GALNT18: variants seen among roughly 807,000 people sequenced by gnomAD.
GALNT18 encodes GalNAc-transferase 18.
Under a neutral mutation model 69.5 loss-of-function variants are expected in GALNT18, and 44 were observed. The ratio of observed to expected loss-of-function variants is 0.63; its 90% CI spans 0.50 to 0.81. The LOEUF (loss-of-function observed/expected upper bound fraction) is 0.81. Among genes scored for constraint, GALNT18 ranks in the 40% least tolerant of loss-of-function variants. The pLI, the probability that GALNT18 is intolerant of heterozygous loss-of-function variation, is 0.00. For missense variants in GALNT18, 715 were observed against 810.0 expected (o/e 0.88, Z 1.42); for synonymous variants, 364 against 318.2 (o/e 1.14, Z -1.53).
Position 11,421,432 on chromosome 11 carries a change from G to A in GALNT18, c.595+11189C>T, listed in dbSNP as rs963209905. On this transcript the variant is annotated intron_variant, in intron 3 of 10. Coordinates refer to ENST00000227756, the MANE Select transcript of GALNT18 (RefSeq NM_198516.3). This position sits in a 1 kb window ranked among gnomAD's most constrained non-coding sequence, Gnocchi z 5.6. ...TGTAGGAAGCCAGGTGGATCGAACC[G>A]TGGAAGCAGAGCCCCAGTTTGGTGT... Among the ~76,000 whole-genome samples the A allele has an allele frequency of 1.2e-4, 18 of 152,168 alleles. No homozygotes were observed. Among genetic ancestry groups the A allele is most frequent in the African/African-American group, 4.3e-4 (18 of 41,442 alleles).
chr11:11,330,997 C>T (rs1009348229), intron 8 of GALNT18, among the ~76,000 whole-genome samples: 3 of 152,196 alleles, frequency 2.0e-5, no homozygotes, highest in African/African-American at 4.8e-5. Context: ...GCCACAGCAG[C>T]GTAACTCTCC....
intron 1 of GALNT18, among the ~76,000 whole-genome samples, chr11:11,561,519 G>T (rs904295423): frequency 1.3e-5 from 2 of 152,202 alleles, no homozygotes; most frequent in Non-Finnish European, 2.9e-5. Context: ...AAGGATTGTG[G>T]TAAGGATTGA....
Position 11,589,520 on chromosome 11 carries a change from G to A in GALNT18, c.235+31839C>T, listed in dbSNP as rs960488877. Among the ~76,000 whole-genome samples, 10 of 151,958 alleles carry A rather than the reference G, an allele frequency of 6.6e-5. No individual in the cohort carries two copies. The South Asian group carries it at 1.0e-3, about 16-fold the overall frequency. On this transcript the variant is annotated intron_variant, in intron 1 of 10. Coordinates refer to ENST00000227756, the MANE Select transcript of GALNT18 (RefSeq NM_198516.3). ...GCTCCCCTTTTGCTGTTCAGCAGTC[G>A]TGGGAAACTGTTAGCTCCATACTCA...
rs1053281039 is a variant in GALNT18 at position 11,453,871 on chromosome 11, C to T, written c.236-4935G>A. Among the ~76,000 whole-genome samples the T allele has an allele frequency of 2.6e-5, 4 of 152,192 alleles. 1 individual carries two copies. Among genetic ancestry groups the T allele is most frequent in the Admixed American group, 1.3e-4 (2 of 15,280 alleles). The stretch of plus-strand genomic sequence containing the variant: ...TTTATAAATTACCCAGTCTCACTTA[C>T]GTCTTTCTTAGCAGCATGAGAACAG... On this transcript the variant is annotated intron_variant, in intron 1 of 10. Transcript: ENST00000227756.
At position 11,599,954 on chromosome 11, in the gene GALNT18, G is replaced by T. The variant is rs576962629; in HGVS notation, c.235+21405C>A. Among the ~76,000 whole-genome samples the T allele has an allele frequency of 2.0e-5, 3 of 151,944 alleles. No homozygotes were observed. In the South Asian group the frequency reaches 6.2e-4, roughly 32 times the overall value. On this transcript the variant is annotated intron_variant, in intron 1 of 10. Transcript: ENST00000227756. ...TACTTCTTGAGTTATTTTCTTAGTGGTTGGTCTGAAGCTTACAATATACCT... is the reference window on the plus strand; with the variant it reads ...TACTTCTTGAGTTATTTTCTTAGTGTTTGGTCTGAAGCTTACAATATACCT...
At chr11:11,349,245 C>T (rs903841077) in intron 6 of GALNT18, among the ~76,000 whole-genome samples, 2 of 152,140 alleles carry the variant, frequency 1.3e-5, no homozygotes, top group Admixed American at 6.5e-5. Context: ...ACGGATGGTG[C>T]TCCTCGGAAC....
chr11:11,399,938 A>T (rs1201533638), intron 3 of GALNT18, among the ~76,000 whole-genome samples: 1 of 152,246 alleles, frequency 6.6e-6, no homozygotes, highest in Non-Finnish European at 1.5e-5. Flanking sequence ...TGTGGTGGTT[A>T]TATACACAGG....
chr11:11,488,328 G>C (rs1003486518), intron 1 of GALNT18, among the ~76,000 whole-genome samples: 4 of 151,950 alleles, frequency 2.6e-5, no homozygotes, highest in Non-Finnish European at 5.9e-5. Flanking sequence ...CTTGACTCGG[G>C]GTCCTCTTCG....
At chr11:11,349,065 T>C (rs1366822587) in intron 6 of GALNT18, among the ~76,000 whole-genome samples, 1 of 152,190 alleles carries the variant, frequency 6.6e-6, no homozygotes, top group Admixed American at 6.5e-5. Flanking sequence ...CACTGCACAT[T>C]GTTTAGTTTT....
At chr11:11,457,399 G>C (rs1855947621) in intron 1 of GALNT18, among the ~76,000 whole-genome samples, 1 of 152,224 alleles carries the variant, frequency 6.6e-6, no homozygotes, top group Non-Finnish European at 1.5e-5. Context: ...TGGTTTTTTG[G>C]AGGAACTGCA....
In GALNT18 at chr11:11,541,259, T is replaced by C. The variant is rs1266383209; in HGVS notation, c.235+80100A>G. On this transcript the variant is annotated intron_variant, in intron 1 of 10. Transcript: ENST00000227756. This position sits in a 1 kb window ranked among gnomAD's most constrained non-coding sequence, Gnocchi z 4.8. ...TAATCGCCTGTGTTTTTGTGAACAC[T>C]TTAGACCCAAAATCATCCAAACTCC... is the stretch of plus-strand genomic sequence containing the variant. Among the ~76,000 whole-genome samples the C allele has an allele frequency of 1.3e-5, 2 of 152,070 alleles. No homozygotes were observed. The highest frequency in any genetic ancestry group is 2.9e-5 in the Non-Finnish European group (2 of 68,022).
intron 1 of GALNT18, among the ~76,000 whole-genome samples, chr11:11,566,846 C>G (rs976939067): frequency 1.3e-5 from 2 of 152,210 alleles, no homozygotes; most frequent in Non-Finnish European, 2.9e-5. Flanking sequence ...CTGAAGTGAC[C>G]TAGCACCGGC....
intron 6 of GALNT18, among the ~76,000 whole-genome samples, chr11:11,354,415 CCAAA>C (rs1209808065): frequency 2.0e-5 from 3 of 152,246 alleles, no homozygotes; most frequent in East Asian, 3.9e-4. Context: ...GCCTCTGGGG[CCAAA>C]CAGTCTTGGT....
chr11:11,590,136 G>GGGAAACCA lies in GALNT18; in HGVS notation c.235+31215_235+31222dup, dbSNP rs1324557196. 6.6e-6 allele frequency among the ~76,000 whole-genome samples: 1 copy of GGGAAACCA among 152,198 alleles called. No individual in the cohort carries two copies. Among genetic ancestry groups the GGGAAACCA allele is most frequent in the African/African-American group, 2.4e-5 (1 of 41,438 alleles). ...ACTAAAACCACCTTCCTTTCTTCCA[G>GGGAAACCA]GGAAACCAGGTAGACTACATTTCCC... On this transcript the variant is annotated intron_variant, in intron 1 of 10. Coordinates refer to ENST00000227756, the MANE Select transcript of GALNT18 (RefSeq NM_198516.3). This position sits in a 1 kb window ranked among gnomAD's most constrained non-coding sequence, Gnocchi z 4.4.
intron 1 of GALNT18, among the ~76,000 whole-genome samples, chr11:11,484,650 G>T (rs547989272): frequency 8.6e-5 from 13 of 151,560 alleles, no homozygotes; most frequent in African/African-American, 3.1e-4. Flanking sequence ...GCCCCCAGGG[G>T]TCTCTCTGCT....
rs376270511 is a variant in GALNT18, at chr11:11,518,812, A to AG, written c.236-69877dup. Among the ~76,000 whole-genome samples the AG allele has an allele frequency of 2.3e-3, 350 of 152,356 alleles. 3 individuals are homozygous for AG. The highest frequency in any genetic ancestry group is 8.2e-3 in the African/African-American group (339 of 41,582). Reference sequence around the variant, plus strand: ...ATGGGGAGGGAGCACTGGACCCACCAGCTTCTCTAAGTACACAACAGAAAA... The same window carrying AG: ...ATGGGGAGGGAGCACTGGACCCACCAGGCTTCTCTAAGTACACAACAGAAAA... On this transcript the variant is annotated intron_variant, in intron 1 of 10. Transcript: ENST00000227756.
chr11:11,298,148 A>T (rs1306404873), intron 9 of GALNT18, among the ~76,000 whole-genome samples: 1 of 152,188 alleles, frequency 6.6e-6, no homozygotes, highest in African/African-American at 2.4e-5. Context: ...ATCCTGCAGG[A>T]TACCCTGGTC....
intron 1 of GALNT18, among the ~76,000 whole-genome samples, chr11:11,492,612 CT>C (rs1856795731): frequency 6.6e-6 from 1 of 152,234 alleles, no homozygotes; most frequent in Non-Finnish European, 1.5e-5. Context: ...ATGGATGAAG[CT>C]GGAAACCATC....
chr11:11,396,199 G>A lies in GALNT18; in HGVS notation c.596-16935C>T, dbSNP rs76085383. 1.7e-3 allele frequency among the ~76,000 whole-genome samples: 261 copies of A among 152,294 alleles called. 2 individuals are homozygous for A. The highest frequency in any genetic ancestry group is 8.1e-3 in the East Asian group (42 of 5,172). ...ATACATTCATTGCTTTTTTCTCACC[G>A]AATTTGAAAGAGCAAAGAACTGGCA... is the stretch of plus-strand genomic sequence containing the variant. On this transcript the variant is annotated intron_variant, in intron 3 of 10. Coordinates refer to ENST00000227756, the MANE Select transcript of GALNT18 (RefSeq NM_198516.3). The surrounding 1 kb of genome is among the most constrained non-coding windows in gnomAD (Gnocchi z 5.2).
Sources: gnomAD v4.1 joint callset for allele counts (sites outside exome capture counted in the v4.1 genomes callset) on GRCh38, gnomAD v4.1.1 for gene constraint, Gnocchi (gnomAD v3.1) non-coding constraint, MANE v1.5 for transcripts, NCBI Gene and HGNC (gene_info 2026-07-23, HGNC 2026-07-21) for gene names.